GZF1: variants seen among roughly 807,000 people sequenced by gnomAD.
GZF1 encodes the protein GDNF inducible zinc finger protein 1, also known as GDNF-inducible zinc finger protein 1.
A neutral mutation model predicts 49.4 loss-of-function variants in GZF1; 28 were observed. The ratio of observed to expected loss-of-function variants is 0.57; its 90% CI spans 0.42 to 0.78. The LOEUF is 0.78. Among genes scored for constraint, GZF1 ranks in the 30% least tolerant of loss-of-function variants. GZF1 has a pLI of 0.00. For synonymous variants in GZF1, 364 were observed against 356.0 expected (o/e 1.02, Z -0.25); for missense variants, 798 against 916.2 (o/e 0.87, Z 1.67).
Position 23,365,049 on chromosome 20 carries a change from T to C in GZF1, c.666T>C (p.Ala222=). Residue 222 remains alanine (A), a synonymous_variant, in exon 2 of 6, where the codon GCT becomes GCC. Transcript: ENST00000338121. ...CTCCCTACCCTAAAATCAGGAGAGC[T>C]AGTGGAAGGCTGGCTGGGAGGAAGG... is the stretch of plus-strand genomic sequence containing the variant. ...VKPPYPKIRR[A]SGRLAGRKVF... is the part of the protein sequence containing the mutation. 1.1e-5 allele frequency: 17 copies of C among 1,614,030 alleles called. No homozygotes were observed. Among genetic ancestry groups the C allele is most frequent in the Non-Finnish European group, 1.4e-5 (17 of 1,180,014 alleles).
chr20:23,370,072 TTTTGTG>T lies in GZF1; in HGVS notation c.1786-15_1786-10del, dbSNP rs1568590544. 4 of 1,592,124 alleles carry T rather than the reference TTTTGTG, an allele frequency of 2.5e-6. No homozygotes were observed. Among genetic ancestry groups the T allele is most frequent in the Admixed American group, 1.7e-5 (1 of 59,890 alleles). ...CCAGAGACACATTCAGTGACCTTTGTTTTGTGTTTAACTTATAGATACACGATAAGA... is the reference window on the plus strand; with the variant it reads ...CCAGAGACACATTCAGTGACCTTTGTTTTAACTTATAGATACACGATAAGA... On this transcript the variant is annotated splice_polypyrimidine_tract_variant and intron_variant, in intron 5 of 5. Transcript: ENST00000338121.
At position 23,370,544 on chromosome 20, in the gene GZF1, C is replaced by T; in HGVS notation, c.*103C>T. ...AATTGTCCATGTGCAAAGATGTGGGCAAGAATGGCCTCTGCAGATTTTCCT... is the reference window on the plus strand; with the variant it reads ...AATTGTCCATGTGCAAAGATGTGGGTAAGAATGGCCTCTGCAGATTTTCCT... On this transcript the variant is annotated 3_prime_UTR_variant, in exon 6 of 6. Transcript: ENST00000338121. 1 of 766,334 alleles carries T rather than the reference C, an allele frequency of 1.3e-6. No individual in the cohort carries two copies. 47.5% of individuals were successfully genotyped at this position (766,334 alleles called of 1,614,324 possible). A position where few individuals can be genotyped will look rare whatever the true frequency, so the allele number is the denominator to read the frequency against.
rs1265745124 is a variant in GZF1, at chr20:23,365,599, C to A, written c.1216C>A (p.Arg406=). 6.2e-7 allele frequency: 1 copy of A among 1,608,218 alleles called. No homozygotes were observed. Among genetic ancestry groups the A allele is most frequent in the Non-Finnish European group, 8.5e-7 (1 of 1,179,442 alleles). ...GCAGGTGCATGAGGGCGGCGGCGAGCGGCACCGCTGCGGCCAGTGCGGCAA... is the reference window on the plus strand; with the variant it reads ...GCAGGTGCATGAGGGCGGCGGCGAGAGGCACCGCTGCGGCCAGTGCGGCAA... ...VLQVHEGGGE[R]HRCGQCGKGL... The change falls in exon 2 of 6, where the codon CGG becomes AGG. Residue 406 remains arginine, a synonymous_variant. Transcript: ENST00000338121.
rs1236868570 is a variant in GZF1, at chr20:23,372,614, T to C, written c.*2173T>C. On this transcript the variant is annotated 3_prime_UTR_variant, in exon 6 of 6. Coordinates refer to ENST00000338121, the MANE Select transcript of GZF1 (RefSeq NM_022482.5). ...CCCTGAGAACAGAGAAACGTAACCC[T>C]GTAGGGGACTGGTTACAGAGGACCT... is the stretch of plus-strand genomic sequence containing the variant. 6.6e-6 allele frequency: 1 copy of C among 152,214 alleles called. No homozygotes were observed. The highest frequency in any genetic ancestry group is 1.5e-5 in the Non-Finnish European group (1 of 68,046). 9.4% of individuals were successfully genotyped at this position (152,214 alleles called of 1,614,324 possible). A position where few individuals can be genotyped will look rare whatever the true frequency, so the allele number is the denominator to read the frequency against.
At chr20:23,361,985 G>A (rs1030266596), upstream of GZF1, among the ~76,000 whole-genome samples, 5 of 152,200 alleles carry the variant, frequency 3.3e-5, no homozygotes, top group Non-Finnish European at 7.4e-5. Flanking sequence ...AATGCGGCGG[G>A]TGACGCAATC....
chr20:23,365,459 A>G lies in GZF1; in HGVS notation c.1076A>G (p.Asn359Ser). ...GACACCTGCGGCCAGACCTTCGCCA[A>G]CCGCTGCAACCTGAAGAGCCACCAG... Reference protein sequence around the residue: ...RCDTCGQTFANRCNLKSHQRH... With the variant: ...RCDTCGQTFASRCNLKSHQRH... The change falls in exon 2 of 6, where the codon AAC becomes AGC. Residue 359 changes from asparagine (N) to serine (S), a missense_variant. By Grantham distance (46) the Asn-to-Ser change is conservative. Coordinates refer to ENST00000338121, the MANE Select transcript of GZF1 (RefSeq NM_022482.5). The G allele has an allele frequency of 6.2e-7, 1 of 1,613,794 alleles. No homozygotes were observed. The highest frequency in any genetic ancestry group is 8.5e-7 in the Non-Finnish European group (1 of 1,180,034).
chr20:23,370,086 TATAG>T lies in GZF1; in HGVS notation c.1786-1_1788del, dbSNP rs751956919. Reference sequence around the variant, plus strand: ...AGTGACCTTTGTTTTGTGTTTAACTTATAGATACACGATAAGAATACTCCATGGA... The same window carrying T: ...AGTGACCTTTGTTTTGTGTTTAACTTATACACGATAAGAATACTCCATGGA... On this transcript the variant is annotated splice_acceptor_variant and splice_polypyrimidine_tract_variant and intron_variant, in intron 5 of 5. Coordinates refer to ENST00000338121, the MANE Select transcript of GZF1 (RefSeq NM_022482.5). LOFTEE classifies it high-confidence loss of function. 5 of 1,610,902 alleles carry T rather than the reference TATAG, an allele frequency of 3.1e-6. No individual in the cohort carries two copies. Among genetic ancestry groups the T allele is most frequent in the Non-Finnish European group, 3.4e-6 (4 of 1,177,104 alleles).
Position 23,372,840 on chromosome 20 carries a change from TCAGCCCAAACTCCAAAG to T in GZF1, c.*2400_*2416del, listed in dbSNP as rs1231167154. On this transcript the variant is annotated 3_prime_UTR_variant, in exon 6 of 6. Transcript: ENST00000338121. ...TCCAACCATTTTCTGTGAAATGCTG[TCAGCCCAAACTCCAAAG>T]GGATGTGCAGCCTTTCGTTTTACCA... 1 of 152,172 alleles carries T rather than the reference TCAGCCCAAACTCCAAAG, an allele frequency of 6.6e-6. No homozygotes were observed. Among genetic ancestry groups the T allele is most frequent in the Non-Finnish European group, 1.5e-5 (1 of 68,038 alleles). 9.4% of individuals were successfully genotyped at this position (152,172 alleles called of 1,614,324 possible).
chr20:23,365,165 C>T lies in GZF1; in HGVS notation c.782C>T (p.Pro261Leu), dbSNP rs769670381. 3.5e-5 allele frequency: 57 copies of T among 1,612,590 alleles called. No individual in the cohort carries two copies. Among genetic ancestry groups the T allele is most frequent in the Admixed American group, 1.5e-4 (9 of 59,774 alleles). ...AEGDVGDYRC[P>L]QDQSPDRVGT... is the part of the protein sequence containing the mutation. Reference sequence around the variant, plus strand: ...GGTGATGTGGGGGACTACAGGTGTCCCCAGGACCAAAGCCCGGACAGGGTG... The same window carrying T: ...GGTGATGTGGGGGACTACAGGTGTCTCCAGGACCAAAGCCCGGACAGGGTG... The change falls in exon 2 of 6, where the codon CCC becomes CTC. Residue 261 changes from proline to leucine, a missense_variant. This residue lies in a region of GZF1 where 247 missense variants were observed against 228.5 expected (regional missense o/e 1.08). Transcript: ENST00000338121.
At chr20:23,369,002 C>A in intron 4 of GZF1, 73 bp downstream of exon 4, 1 of 1,324,702 alleles carries the variant, frequency 7.5e-7, no homozygotes, top group Non-Finnish European at 1.0e-6. Context: ...GTAGATTTAC[C>A]AGTAAATTAC....
intron 5 of GZF1, 108 bp downstream of exon 5, chr20:23,369,849 G>GTACTT (rs1186998608): frequency 8.1e-7 from 1 of 1,239,394 alleles, no homozygotes; most frequent in African/African-American, 1.5e-5. Context: ...GAGACAACAG[G>GTACTT]TACTTTCTCC....
At chr20:23,362,046 TCCGCC>T (rs1980712406), upstream of GZF1, 1 of 152,078 alleles carries the variant, frequency 6.6e-6, no homozygotes, top group Admixed American at 6.5e-5. Context: ...CCCGAACCGC[TCCGCC>T]GCCCGACGTG....
At chr20:23,366,978 TATC>T (rs753038351) in intron 2 of GZF1, 22 bp from the exon 3 acceptor site, 3 of 1,492,702 alleles carry the variant, frequency 2.0e-6, no homozygotes, top group African/African-American at 2.8e-5. Context: ...CATCCTAAGT[TATC>T]ATCTGAATGT....
intron 1 of GZF1, among the ~76,000 whole-genome samples, chr20:23,363,657 A>G (rs1980954024): frequency 1.3e-5 from 2 of 152,230 alleles, no homozygotes; most frequent in South Asian, 4.1e-4. Context: ...AAACTAGCCA[A>G]CAAGTTTCAG....
At chr20:23,368,177 GATA>G (rs1413833316) in intron 3 of GZF1, among the ~76,000 whole-genome samples, 2 of 152,042 alleles carry the variant, frequency 1.3e-5, no homozygotes, top group African/African-American at 4.8e-5. Context: ...TTGGTCCTTT[GATA>G]ATATTAACAT....
intron 4 of GZF1, 80 bp from the exon 5 acceptor site, chr20:23,369,504 C>CA: frequency 7.7e-7 from 1 of 1,299,220 alleles, no homozygotes; most frequent in Non-Finnish European, 1.1e-6. Context: ...GCAACAGCAT[C>CA]ATTCACTCAA....
At position 23,365,208 on chromosome 20, in the gene GZF1, G is replaced by A. The variant is rs757313416; in HGVS notation, c.825G>A (p.Gln275=). 1.8e-5 allele frequency: 29 copies of A among 1,601,424 alleles called. No individual in the cohort carries two copies. Among genetic ancestry groups the A allele is most frequent in the Middle Eastern group, 1.7e-4 (1 of 5,996 alleles). Residue 275 remains glutamine (Q), a synonymous_variant, in exon 2 of 6, where the codon CAG becomes CAA. Coordinates refer to ENST00000338121, the MANE Select transcript of GZF1 (RefSeq NM_022482.5). ...SPDRVGTEME[Q]VSKNEGCQAG... is the part of the protein sequence containing the mutation. ...ACAGGGTGGGCACGGAGATGGAGCA[G>A]GTTTCCAAAAATGAGGGTTGCCAGG...
At chr20:23,366,150 A>G (rs1418741525) in intron 2 of GZF1, among the ~76,000 whole-genome samples, 3 of 151,836 alleles carry the variant, frequency 2.0e-5, no homozygotes. Flanking sequence ...AGGCTTTAGG[A>G]CTCGTCTCTG....
At chr20:23,366,534 C>T (rs2123053785) in intron 2 of GZF1, among the ~76,000 whole-genome samples, 1 of 152,274 alleles carries the variant, frequency 6.6e-6, no homozygotes, top group East Asian at 1.9e-4. Context: ...CCACCTTCGG[C>T]AATTTGAGAA....
Sources: gnomAD v4.1 joint callset for allele counts (sites outside exome capture counted in the v4.1 genomes callset) on GRCh38, gnomAD v4.1.1 for gene constraint, gnomAD v4.1.1 regional missense constraint, MANE v1.5 for transcripts, NCBI Gene and HGNC (gene_info 2026-07-23, HGNC 2026-07-21) for gene names.